Variants in NKAIN3 observed in about 807,000 individuals in gnomAD.
NKAIN3 encodes sodium/potassium transporting ATPase interacting 3, also known as sodium/potassium-transporting ATPase subunit beta-1-interacting protein 3.
In NKAIN3, 25 loss-of-function variants were observed where a neutral mutation model predicts 30.2. The ratio of observed to expected loss-of-function variants is 0.83; its 90% CI spans 0.60 to 1.16. NKAIN3 has a LOEUF of 1.16. Among genes scored for constraint, NKAIN3 ranks in the 50% most tolerant of loss-of-function variants. The probability of loss-of-function intolerance (pLI) is 0.00; values close to 1 mark genes in which losing one functional copy is unlikely to be tolerated. For synonymous variants in NKAIN3, 91 were observed against 89.6 expected (o/e 1.02, Z -0.09); for missense variants, 225 against 254.1 (o/e 0.89, Z 0.78).
At chr8:62,805,147 A>C (rs1818228645) in intron 4 of NKAIN3, among the ~76,000 whole-genome samples, 1 of 152,062 alleles carries the variant, frequency 6.6e-6, no homozygotes, top group Non-Finnish European at 1.5e-5. Flanking sequence ...CAATGAAATA[A>C]AAGAGGATAC....
chr8:62,617,741 T>G (rs1382156228), intron 3 of NKAIN3, among the ~76,000 whole-genome samples: 1 of 152,070 alleles, frequency 6.6e-6, no homozygotes, highest in Non-Finnish European at 1.5e-5. Flanking sequence ...TAGTCATTAT[T>G]GACAGCTTCC....
chr8:62,277,169 A>T (rs573191070), intron 1 of NKAIN3, among the ~76,000 whole-genome samples: 2 of 152,336 alleles, frequency 1.3e-5, no homozygotes, highest in Admixed American at 6.5e-5. Flanking sequence ...TTGTTATTAC[A>T]GAACAAGCAT....
intron 3 of NKAIN3, among the ~76,000 whole-genome samples, chr8:62,746,353 C>T (rs1330262850): frequency 6.6e-6 from 1 of 152,172 alleles, no homozygotes; most frequent in African/African-American, 2.4e-5. Flanking sequence ...TCTCATGATC[C>T]TAATTTAATC....
intron 3 of NKAIN3, among the ~76,000 whole-genome samples, chr8:62,729,024 C>CAAAAAAAAAAAAAAAAAAA (rs71501600): frequency 6.1e-5 from 1 of 16,448 alleles, no homozygotes; most frequent in African/African-American, 2.1e-4. Flanking sequence ...ACAAACAAAC[C>CAAAAAAAAAAAAAAAAAAA]AAAAAAAAAA....
At chr8:62,719,760 T>G (rs1053992678) in intron 3 of NKAIN3, among the ~76,000 whole-genome samples, 1 of 144,144 alleles carries the variant, frequency 6.9e-6, no homozygotes, top group African/African-American at 2.6e-5. Context: ...TTTCTTTTTT[T>G]TTTTTTTTTT....
Position 62,278,901 on chromosome 8 carries a change from G to A in NKAIN3, c.54+29774G>A, listed in dbSNP as rs550638379. ...TCCTTTGGGTATATGCCCAGTAATTGGATGGCTGGGTCAAATGGTATTTCT... is the reference window on the plus strand; with the variant it reads ...TCCTTTGGGTATATGCCCAGTAATTAGATGGCTGGGTCAAATGGTATTTCT... On this transcript the variant is annotated intron_variant, in intron 1 of 6. Transcript: ENST00000623646. 3.3e-5 allele frequency among the ~76,000 whole-genome samples: 5 copies of A among 152,236 alleles called. No homozygotes were observed. The South Asian group carries it at 1.0e-3, about 32-fold the overall frequency.
chr8:62,365,881 AT>A (rs1816722052), intron 1 of NKAIN3, among the ~76,000 whole-genome samples: 2 of 152,068 alleles, frequency 1.3e-5, no homozygotes, highest in African/African-American at 4.8e-5. Context: ...TGCTTTATGT[AT>A]TTTTTAAAAA....
chr8:62,634,410 G>T (rs1281871940), intron 3 of NKAIN3, among the ~76,000 whole-genome samples: 3 of 152,060 alleles, frequency 2.0e-5, no homozygotes, highest in Non-Finnish European at 4.4e-5. Flanking sequence ...TAGTACATTA[G>T]GGAGATGGAT....
rs1194072621 is a variant in NKAIN3 at position 62,870,733 on chromosome 8, CTATATATA to C, written c.472-47718_472-47711del. On this transcript the variant is annotated intron_variant, in intron 4 of 6. Coordinates refer to ENST00000623646, the MANE Select transcript of NKAIN3 (RefSeq NM_001304533.3). ...TATCTATATCTCTATATCTATATAT[CTATATATA>C]TCTAGATATCTAGATATATAGATAT... Among the ~76,000 whole-genome samples, 830 of 139,944 alleles carry C rather than the reference CTATATATA, an allele frequency of 5.9e-3. 11 individuals are homozygous for C. The highest frequency in any genetic ancestry group is 0.022 in the African/African-American group (798 of 36,394). The allele number at this position is 139,944 out of a possible 152,430, so 91.8% of individuals were successfully genotyped here.
In NKAIN3 at chr8:62,631,725, A is replaced by C. The variant is rs116335231; in HGVS notation, c.273+41931A>C. 5.4e-3 allele frequency among the ~76,000 whole-genome samples: 829 copies of C among 152,200 alleles called. 7 individuals are homozygous for C. The highest frequency in any genetic ancestry group is 0.018 in the African/African-American group (749 of 41,552). ...ATCCTGCTCCCCCTAATACCTAATGAAATTCTTGTCTTCAAAACTCAATTT... is the reference window on the plus strand; with the variant it reads ...ATCCTGCTCCCCCTAATACCTAATGCAATTCTTGTCTTCAAAACTCAATTT... On this transcript the variant is annotated intron_variant, in intron 3 of 6. Coordinates refer to ENST00000623646, the MANE Select transcript of NKAIN3 (RefSeq NM_001304533.3).
intron 1 of NKAIN3, among the ~76,000 whole-genome samples, chr8:62,336,646 C>G (rs1815561823): frequency 1.3e-5 from 2 of 151,870 alleles, no homozygotes; most frequent in African/African-American, 4.8e-5. Context: ...TGGATTTTGT[C>G]CCGGTTTTCT....
At chr8:62,877,236 G>GA (rs1820826987) in intron 4 of NKAIN3, among the ~76,000 whole-genome samples, 1 of 152,200 alleles carries the variant, frequency 6.6e-6, no homozygotes, top group South Asian at 2.1e-4. Context: ...GACTAGTAGT[G>GA]AAAAAAATAC....
intron 1 of NKAIN3, among the ~76,000 whole-genome samples, chr8:62,404,486 T>G (rs1187336809): frequency 6.6e-6 from 1 of 152,158 alleles, no homozygotes; most frequent in Non-Finnish European, 1.5e-5. Context: ...GCTATTCTCA[T>G]GATAATGAGT....
chr8:62,401,822 G>T (rs559166763), intron 1 of NKAIN3, among the ~76,000 whole-genome samples: 1 of 152,272 alleles, frequency 6.6e-6, no homozygotes, highest in African/African-American at 2.4e-5. Context: ...TCTAGGGCTG[G>T]GAAAGGCGGT....
chr8:62,566,296 C>T (rs1169473503), intron 1 of NKAIN3, among the ~76,000 whole-genome samples: 1 of 152,074 alleles, frequency 6.6e-6, no homozygotes, highest in African/African-American at 2.4e-5. Flanking sequence ...GCTCTTTGGA[C>T]ACCCATTTAC....
At chr8:62,942,551 CA>C (rs1226491201) in intron 5 of NKAIN3, among the ~76,000 whole-genome samples, 1 of 149,644 alleles carries the variant, frequency 6.7e-6, no homozygotes, top group Non-Finnish European at 1.5e-5. Context: ...CATGTGGAAC[CA>C]AAAAAGAGCC....
chr8:62,443,579 C>T (rs370612024), intron 1 of NKAIN3, among the ~76,000 whole-genome samples: 23 of 151,886 alleles, frequency 1.5e-4, no homozygotes, highest in South Asian at 1.5e-3. Flanking sequence ...GAAAGGGTTT[C>T]ACCATCTTGG....
At chr8:62,683,370 T>C (rs1813704368) in intron 3 of NKAIN3, among the ~76,000 whole-genome samples, 1 of 152,170 alleles carries the variant, frequency 6.6e-6, no homozygotes, top group South Asian at 2.1e-4. Context: ...CGCTGTTGCT[T>C]CACAATGCAG....
At chr8:62,826,005 A>T (rs565456871) in intron 4 of NKAIN3, among the ~76,000 whole-genome samples, 2 of 152,188 alleles carry the variant, frequency 1.3e-5, no homozygotes, top group African/African-American at 4.8e-5. Flanking sequence ...AGTTCTAACA[A>T]GTGCCTCACT....
Sources: gnomAD v4.1 joint callset for allele counts (sites outside exome capture counted in the v4.1 genomes callset) on GRCh38, gnomAD v4.1.1 for gene constraint, MANE v1.5 for transcripts, NCBI Gene and HGNC (gene_info 2026-07-23, HGNC 2026-07-21) for gene names.